COLQ: variants seen among roughly 807,000 people sequenced by gnomAD.
The protein encoded by COLQ is acetylcholinesterase collagenic tail peptide.
A neutral mutation model predicts 69.0 loss-of-function variants in COLQ; 48 were observed. The observed-to-expected ratio is 0.70, with a 90% CI of 0.55 to 0.88. The LOEUF (loss-of-function observed/expected upper bound fraction) is 0.88, where lower values mean the gene tolerates loss of function less well. Ranked by LOEUF, COLQ falls within the 40% of genes least tolerant of loss-of-function variation. The probability of loss-of-function intolerance (pLI) is 0.00; values close to 1 mark genes in which losing one functional copy is unlikely to be tolerated. For missense variants in COLQ, 618 were observed against 594.6 expected (o/e 1.04, Z -0.41); for synonymous variants, 217 against 211.2 (o/e 1.03, Z -0.24).
chr3:15,466,031 GA>G (rs1331619293), intron 12 of COLQ, among the ~76,000 whole-genome samples: 1 of 152,120 alleles, frequency 6.6e-6, no homozygotes, highest in African/African-American at 2.4e-5. Flanking sequence ...CTTTTATCTA[GA>G]AAAAGGTATT....
intron 1 of COLQ, among the ~76,000 whole-genome samples, chr3:15,506,362 T>C (rs544546739): frequency 6.6e-6 from 1 of 152,216 alleles, no homozygotes; most frequent in African/African-American, 2.4e-5. Context: ...AGGTATTACA[T>C]GCATGTGATT....
chr3:15,476,813 C>T (rs2062387124), intron 6 of COLQ, among the ~76,000 whole-genome samples: 1 of 152,198 alleles, frequency 6.6e-6, no homozygotes. Context: ...ACGCAAGCCC[C>T]TCTTAGGTCA....
chr3:15,496,996 A>G (rs1044635449), intron 1 of COLQ, among the ~76,000 whole-genome samples: 13 of 150,304 alleles, frequency 8.6e-5, no homozygotes, highest in Admixed American at 2.6e-4. Flanking sequence ...CATCTGTACC[A>G]CAAAGAGTTT....
Position 15,456,014 on chromosome 3 carries a change from G to A in COLQ, c.1080C>T (p.Thr360=). 1 of 1,614,036 alleles carries A rather than the reference G, an allele frequency of 6.2e-7. No homozygotes were observed. Among genetic ancestry groups the A allele is most frequent in the Non-Finnish European group, 8.5e-7 (1 of 1,179,986 alleles). ...CAGTGTAATCCACAGGGTAGAAAGG[G>A]GTCAGCTGGCCAAAGAAGCACACAG... ...DSLGWLPIQL[T]PFYPVDYTAD... is the part of the protein sequence containing the mutation. The change falls in exon 15 of 17, where the codon ACC becomes ACT. Residue 360 remains threonine, a synonymous_variant. Transcript: ENST00000383788.
At position 15,498,824 on chromosome 3, in the gene COLQ, G is replaced by A. The variant is rs2062789747; in HGVS notation, c.107-9187C>T. 7 of 1,444,682 alleles carry A rather than the reference G, an allele frequency of 4.8e-6. No homozygotes were observed. In the Admixed American group the frequency reaches 1.5e-4, roughly 30 times the overall value. 89.5% of individuals were successfully genotyped at this position (1,444,682 alleles called of 1,614,324 possible). A position where few individuals can be genotyped will look rare whatever the true frequency, so the allele number is the denominator to read the frequency against. ...GCTCCAGCTGCCCATGAACACTGCT[G>A]TAGGGGAGGCTTGGAGGACAAGAGT... On this transcript the variant is annotated intron_variant, in intron 1 of 16. Transcript: ENST00000383788.
intron 11 of COLQ, among the ~76,000 whole-genome samples, chr3:15,468,939 G>A (rs1208190103): frequency 6.6e-6 from 1 of 152,148 alleles, no homozygotes; most frequent in South Asian, 2.1e-4. Flanking sequence ...TTTTGGCTTT[G>A]GATTGACTTA....
chr3:15,470,511 G>A (rs1221100109), intron 11 of COLQ, 25 bp downstream of exon 11: 17 of 1,607,506 alleles, frequency 1.1e-5, no homozygotes, highest in Middle Eastern at 2.0e-4. Context: ...GACCTCAGGC[G>A]GGTGGTAAGC....
intron 12 of COLQ, among the ~76,000 whole-genome samples, chr3:15,461,568 T>A (rs1281384270): frequency 6.6e-6 from 1 of 151,762 alleles, no homozygotes; most frequent in Non-Finnish European, 1.5e-5. Context: ...GCTGCCTCAG[T>A]GGGAAAGGAT....
intron 1 of COLQ, among the ~76,000 whole-genome samples, chr3:15,518,009 G>C (rs920666421): frequency 6.6e-6 from 1 of 152,074 alleles, no homozygotes; most frequent in Non-Finnish European, 1.5e-5. Context: ...GCAATGGCGC[G>C]ATCTCAGCTC....
In COLQ at chr3:15,484,586, C is replaced by T. The variant is rs189397965; in HGVS notation, c.321+3620G>A. On this transcript the variant is annotated intron_variant, in intron 3 of 16. Transcript: ENST00000383788. ...CGTAGATTTGGTCTTTTCACATAGTCCCATATTTCTTGGAGGCTTTGTTCA... is the reference window on the plus strand; with the variant it reads ...CGTAGATTTGGTCTTTTCACATAGTTCCATATTTCTTGGAGGCTTTGTTCA... Among the ~76,000 whole-genome samples, 785 of 152,324 alleles carry T rather than the reference C, an allele frequency of 5.2e-3. 6 individuals carry two copies. Among genetic ancestry groups the T allele is most frequent in the African/African-American group, 0.017 (720 of 41,558 alleles).
chr3:15,499,519 A>G (rs968192415), intron 1 of COLQ, among the ~76,000 whole-genome samples: 2 of 152,256 alleles, frequency 1.3e-5, no homozygotes, highest in Non-Finnish European at 2.9e-5. Context: ...ACAATACATG[A>G]AGGAATGAGA....
intron 11 of COLQ, among the ~76,000 whole-genome samples, chr3:15,468,328 T>TTG (rs2062231129): frequency 7.2e-6 from 1 of 138,424 alleles, no homozygotes; most frequent in Non-Finnish European, 1.6e-5. Flanking sequence ...GAAGTTTTTT[T>TTG]TTTTTTTTTT....
intron 3 of COLQ, among the ~76,000 whole-genome samples, chr3:15,480,923 T>C (rs2062473175): frequency 6.6e-6 from 1 of 152,278 alleles, no homozygotes; most frequent in Admixed American, 6.5e-5. Flanking sequence ...ATTTCTGTGA[T>C]GGCCAGTGAT....
intron 15 of COLQ, 122 bp from the exon 16 acceptor site, chr3:15,454,053 C>A: frequency 1.4e-6 from 1 of 715,996 alleles, no homozygotes; most frequent in Non-Finnish European, 2.5e-6. Context: ...AAAGAACTGA[C>A]CTCCATTAAG....
intron 12 of COLQ, among the ~76,000 whole-genome samples, chr3:15,462,491 G>GT (rs1194183663): frequency 7.1e-4 from 108 of 151,626 alleles, no homozygotes; most frequent in African/African-American, 2.6e-3. Context: ...GGAATGGGGG[G>GT]CGGGGGCATC....
intron 1 of COLQ, among the ~76,000 whole-genome samples, chr3:15,494,424 C>A (rs1294983178): frequency 6.6e-6 from 1 of 152,144 alleles, no homozygotes; most frequent in East Asian, 1.9e-4. Flanking sequence ...CCCAGGGCAA[C>A]AGTGGTCAGA....
At chr3:15,480,957 C>G (rs1417452015) in intron 3 of COLQ, among the ~76,000 whole-genome samples, 1 of 152,192 alleles carries the variant, frequency 6.6e-6, no homozygotes, top group South Asian at 2.1e-4. Context: ...TCATGTGTCT[C>G]TTGGCTGCAT....
intron 1 of COLQ, among the ~76,000 whole-genome samples, chr3:15,508,553 G>A (rs2062941037): frequency 6.6e-6 from 1 of 152,172 alleles, no homozygotes; most frequent in African/African-American, 2.4e-5. Context: ...TATCTCAAAT[G>A]CTATGTATAT....
intron 1 of COLQ, among the ~76,000 whole-genome samples, chr3:15,492,033 G>C (rs1343945301): frequency 6.6e-6 from 1 of 151,162 alleles, no homozygotes; most frequent in Admixed American, 6.6e-5. Context: ...ACTCCAACCT[G>C]GCAACAGAGT....
Sources: gnomAD v4.1 joint callset for allele counts (sites outside exome capture counted in the v4.1 genomes callset) on GRCh38, gnomAD v4.1.1 for gene constraint, MANE v1.5 for transcripts, NCBI Gene and HGNC (gene_info 2026-07-23, HGNC 2026-07-21) for gene names.